Variants in MYO1H observed in about 807,000 individuals in gnomAD.
MYO1H encodes the protein myosin IH.
In MYO1H, 118 loss-of-function variants were observed where a neutral mutation model predicts 149.3. That is an observed-to-expected ratio of 0.79 (90% CI 0.68 to 0.92). The LOEUF is 0.92. MYO1H is among the 40% of genes least tolerant of loss of function. The pLI is 0.00. For synonymous variants in MYO1H, 447 were observed against 465.2 expected, an observed-to-expected ratio of 0.96 and a Z score of 0.50; for missense variants, 1,212 against 1,280.7, an observed-to-expected ratio of 0.95 and a Z score of 0.82.
intron 2 of MYO1H, among the ~76,000 whole-genome samples, chr12:109,392,340 A>C (rs1869690292): frequency 6.6e-6 from 1 of 152,142 alleles, no homozygotes; most frequent in Admixed American, 6.5e-5. Flanking sequence ...TGCCTCATGT[A>C]TCCCTTCAGC....
intron 10 of MYO1H, among the ~76,000 whole-genome samples, chr12:109,408,658 T>A (rs781755306): frequency 2.0e-5 from 3 of 152,084 alleles, no homozygotes; most frequent in Non-Finnish European, 4.4e-5. Context: ...GATACATGGA[T>A]GGGGAGGGGA....
chr12:109,425,161 TAAAAG>T (rs1363148848), intron 17 of MYO1H, among the ~76,000 whole-genome samples: 2 of 151,956 alleles, frequency 1.3e-5, no homozygotes, highest in African/African-American at 2.4e-5. Context: ...ATTAAAAACA[TAAAAG>T]AAAGAAAGAA....
chr12:109,416,409 G>A (rs745344655), intron 15 of MYO1H, among the ~76,000 whole-genome samples: 3 of 138,840 alleles, frequency 2.2e-5, no homozygotes, highest in Non-Finnish European at 4.5e-5. Context: ...TTTTATAACT[G>A]GAATCATGCA....
At position 109,441,601 on chromosome 12, in the gene MYO1H, T is replaced by C. The variant is rs1872132152; in HGVS notation, c.2539-14T>C. The C allele has an allele frequency of 2.5e-6, 4 of 1,583,374 alleles. No homozygotes were observed. In the Middle Eastern group the frequency reaches 5.1e-4, roughly 200 times the overall value. On this transcript the variant is annotated splice_polypyrimidine_tract_variant and intron_variant, in intron 25 of 31. Transcript: ENST00000310903. ...GTGGCTACCATTTTTATACTTTCAA[T>C]TGTGTATTACCAGATGCAGCAAAAG...
At chr12:109,349,976 TTAA>T (rs1245272738) in intron 1 of MYO1H, among the ~76,000 whole-genome samples, 9 of 129,960 alleles carry the variant, frequency 6.9e-5, no homozygotes, top group African/African-American at 2.5e-4. Flanking sequence ...AAAAAAAAAG[TTAA>T]TATTATTATT....
chr12:109,361,516 A>C (rs1188704994), intron 1 of MYO1H, among the ~76,000 whole-genome samples: 1 of 152,180 alleles, frequency 6.6e-6, no homozygotes, highest in African/African-American at 2.4e-5. Context: ...GTGTCACAAA[A>C]ACTAGCAGGC....
At chr12:109,342,986 G>T (rs749657256), upstream of MYO1H, among the ~76,000 whole-genome samples, 7 of 152,028 alleles carry the variant, frequency 4.6e-5, no homozygotes, top group Non-Finnish European at 8.8e-5. Flanking sequence ...GGGAGGCCAA[G>T]GTGGGGAGGA....
intron 15 of MYO1H, among the ~76,000 whole-genome samples, chr12:109,419,901 C>T (rs1007867471): frequency 6.6e-6 from 1 of 151,746 alleles, no homozygotes; most frequent in Non-Finnish European, 1.5e-5. Context: ...TCTGGTTTTG[C>T]CTTTATAATG....
chr12:109,312,494 C>G, the MYO1H span, among the ~76,000 whole-genome samples: 2 of 152,172 alleles, frequency 1.3e-5, no homozygotes, highest in Non-Finnish European at 2.9e-5. Flanking sequence ...CTCAGTCTCC[C>G]AAAGTGCTGG....
At chr12:109,347,296 T>A (rs1868358625), upstream of MYO1H, among the ~76,000 whole-genome samples, 1 of 152,196 alleles carries the variant, frequency 6.6e-6, no homozygotes, top group Non-Finnish European at 1.5e-5. Context: ...AGGGGTGAAC[T>A]CTGAGCTTCA....
chr12:109,393,207 G>A, intron 2 of MYO1H, 124 bp from the exon 3 acceptor site: 3 of 661,004 alleles, frequency 4.5e-6, no homozygotes, highest in Non-Finnish European at 5.4e-6. Context: ...TAAGCTCCCA[G>A]CAGAGACCCC....
At chr12:109,411,056 T>C (rs541144844) in intron 13 of MYO1H, among the ~76,000 whole-genome samples, 50 of 152,172 alleles carry the variant, frequency 3.3e-4, no homozygotes, top group Non-Finnish European at 5.9e-5. Context: ...ACAGGAGAAT[T>C]GCTTGAACCC....
chr12:109,319,113 T>G, the MYO1H span, among the ~76,000 whole-genome samples: 6 of 151,534 alleles, frequency 4.0e-5, no homozygotes, highest in African/African-American at 1.5e-4. Context: ...CTCAAAGAGA[T>G]ATTTGCATAC....
At chr12:109,361,654 T>C (rs1325287158) in intron 1 of MYO1H, among the ~76,000 whole-genome samples, 1 of 151,360 alleles carries the variant, frequency 6.6e-6, no homozygotes, top group Non-Finnish European at 1.5e-5. Context: ...AAAATTTTTT[T>C]AAAATTAGCC....
the MYO1H span, among the ~76,000 whole-genome samples, chr12:109,320,771 G>A: frequency 3.3e-5 from 5 of 152,074 alleles, no homozygotes; most frequent in Admixed American, 2.0e-4. Context: ...ACAATATATA[G>A]GAGAATATTG....
chr12:109,392,945 G>A (rs532790610), intron 2 of MYO1H, among the ~76,000 whole-genome samples: 21 of 151,802 alleles, frequency 1.4e-4, no homozygotes, highest in African/African-American at 4.6e-4. Flanking sequence ...GAGTAACTGG[G>A]ACTACAGGCA....
chr12:109,319,812 C>T, the MYO1H span, among the ~76,000 whole-genome samples: 3 of 152,064 alleles, frequency 2.0e-5, no homozygotes, highest in Admixed American at 1.3e-4. Flanking sequence ...TCATAACGAG[C>T]AAAACTACCT....
chr12:109,427,912 ATATATATATAT>A (rs1871443668), intron 19 of MYO1H, among the ~76,000 whole-genome samples: 1 of 51,950 alleles, frequency 1.9e-5, no homozygotes, highest in African/African-American at 7.3e-5. Context: ...AAAAAAAAAT[ATATATATATAT>A]ATATATATAT....
At chr12:109,418,602 G>A (rs1057415340) in intron 15 of MYO1H, among the ~76,000 whole-genome samples, 1 of 152,052 alleles carries the variant, frequency 6.6e-6, no homozygotes, top group Non-Finnish European at 1.5e-5. Context: ...AGGCTGGAGT[G>A]CAGTGGCAAG....
Sources: gnomAD v4.1 joint callset for allele counts (sites outside exome capture counted in the v4.1 genomes callset) on GRCh38, gnomAD v4.1.1 for gene constraint, MANE v1.5 for transcripts, NCBI Gene and HGNC (gene_info 2026-07-23, HGNC 2026-07-21) for gene names.